The following PDE12 variants were observed in gnomAD, a reference collection of about 807,000 sequenced individuals.
PDE12 encodes the protein 2',5'-phosphodiesterase 12.
A neutral mutation model predicts 45.4 loss-of-function variants in PDE12; 26 were observed. That is an observed-to-expected ratio of 0.57 (90% CI 0.42 to 0.79). The LOEUF (loss-of-function observed/expected upper bound fraction) is 0.79, where lower values mean the gene tolerates loss of function less well. Ranked by LOEUF, PDE12 falls within the 30% of genes least tolerant of loss-of-function variation. The probability of loss-of-function intolerance (pLI) is 0.00; values close to 1 mark genes in which losing one functional copy is unlikely to be tolerated. For missense variants in PDE12, 668 were observed against 790.0 expected (o/e 0.85, Z 1.85); for synonymous variants, 283 against 323.9 (o/e 0.87, Z 1.36).
the PDE12 span, among the ~76,000 whole-genome samples, chr3:57,632,276 A>G: frequency 0.75 from 113,231 of 150,832 alleles, 44,449 homozygotes; most frequent in East Asian, 1. Context: ...TGCCCGCCTC[A>G]GTCTCCAAAA....
chr3:57,645,866 T>A, the PDE12 span: 2 of 699,816 alleles, frequency 2.9e-6, no homozygotes, highest in East Asian at 5.7e-5. Flanking sequence ...ATACTTTGTT[T>A]ATTTTAATAA....
At chr3:57,558,376 A>G (rs1439739830) in intron 1 of PDE12, among the ~76,000 whole-genome samples, 6 of 152,236 alleles carry the variant, frequency 3.9e-5, no homozygotes, top group Admixed American at 2.0e-4. Context: ...TGAGTATTCA[A>G]ACCCAGGTCT....
chr3:57,630,229 T>A, the PDE12 span: 4 of 486,162 alleles, frequency 8.2e-6, no homozygotes, highest in South Asian at 1.3e-4. Flanking sequence ...CAAAGAATCA[T>A]TGTAAAGATT....
chr3:57,621,095 T>C, the PDE12 span, among the ~76,000 whole-genome samples: 1 of 152,150 alleles, frequency 6.6e-6, no homozygotes, highest in African/African-American at 2.4e-5. Context: ...TCAAGCAATG[T>C]GGTACTGGCA....
chr3:57,591,186 T>C, the PDE12 span, among the ~76,000 whole-genome samples: 1 of 152,194 alleles, frequency 6.6e-6, no homozygotes, highest in African/African-American at 2.4e-5. Flanking sequence ...TCAAGACGGT[T>C]ACCATGACAC....
chr3:57,567,050 C>G (rs1178759895), downstream of PDE12, among the ~76,000 whole-genome samples: 2 of 152,196 alleles, frequency 1.3e-5, no homozygotes, highest in Non-Finnish European at 2.9e-5. Flanking sequence ...TGGCTCATGC[C>G]TGTAATCCTA....
the PDE12 span, among the ~76,000 whole-genome samples, chr3:57,580,082 G>A: frequency 6.6e-6 from 1 of 152,132 alleles, no homozygotes; most frequent in Non-Finnish European, 1.5e-5. Context: ...TCTAGCCTGG[G>A]TAACAGAGTG....
At chr3:57,602,733 G>A in the PDE12 span, among the ~76,000 whole-genome samples, 1 of 152,142 alleles carries the variant, frequency 6.6e-6, no homozygotes, top group South Asian at 2.1e-4. Context: ...ACTACGCCTG[G>A]CTAGTTTTTG....
the PDE12 span, among the ~76,000 whole-genome samples, chr3:57,621,100 C>G: frequency 6.6e-6 from 1 of 152,098 alleles, no homozygotes; most frequent in Non-Finnish European, 1.5e-5. Flanking sequence ...CAATGTGGTA[C>G]TGGCATAAAG....
chr3:57,629,507 CTTTTTTTTTTTTT>C, the PDE12 span, among the ~76,000 whole-genome samples: 3 of 98,228 alleles, frequency 3.1e-5, no homozygotes, highest in Non-Finnish European at 4.0e-5. Flanking sequence ...AATCAGTCCG[CTTTTTTTTTTTTT>C]TTTTTTTTTG....
the PDE12 span, among the ~76,000 whole-genome samples, chr3:57,651,088 C>T: frequency 6.6e-6 from 1 of 152,112 alleles, no homozygotes; most frequent in African/African-American, 2.4e-5. Context: ...CTGGCCCATC[C>T]ACATGGAATA....
rs1367166078 is a variant in PDE12 at position 57,565,134 on chromosome 3, A to T, written c.*5130A>T. ...CCTGAGTAGCTGGGACTATAGGTGC[A>T]TGCCACCATGCCTGGCTAATTTTTT... On this transcript the variant is annotated 3_prime_UTR_variant, in exon 3 of 3. Transcript: ENST00000311180. 6.6e-6 allele frequency: 1 copy of T among 152,094 alleles called. No individual in the cohort carries two copies. The highest frequency in any genetic ancestry group is 1.5e-5 in the Non-Finnish European group (1 of 68,088). 9.4% of individuals were successfully genotyped at this position (152,094 alleles called of 1,614,324 possible).
the PDE12 span, among the ~76,000 whole-genome samples, chr3:57,599,329 G>A: frequency 8.5e-5 from 13 of 152,218 alleles, no homozygotes; most frequent in Non-Finnish European, 1.6e-4. Context: ...ATGGGAGGCA[G>A]GTTGGCCCTA....
chr3:57,579,959 G>T, the PDE12 span, among the ~76,000 whole-genome samples: 1 of 151,942 alleles, frequency 6.6e-6, no homozygotes, highest in East Asian at 1.9e-4. Context: ...ATTTTAGTAG[G>T]GCATGGTGGC....
the PDE12 span, among the ~76,000 whole-genome samples, chr3:57,621,321 A>G: frequency 2.0e-5 from 3 of 152,240 alleles, no homozygotes; most frequent in Admixed American, 1.3e-4. Context: ...TCACATACAC[A>G]TTAAAACTAA....
In PDE12 at chr3:57,557,379, C is replaced by G; in HGVS notation, c.1000C>G (p.Leu334Val). ...CCTGGAGCTCGACTACCGCCAGAAC[C>G]TTATCCAGAAGGAACTCACCGGCTA... ...YALELDYRQN[L>V]IQKELTGYNA... The change falls in exon 1 of 3, where the codon CTT becomes GTT. Residue 334 changes from leucine (L) to valine (V), a missense_variant. Physicochemically the swap from Leu to Val is conservative, Grantham distance 32 (BLOSUM62 1). This residue lies in a region of PDE12 where 580 missense variants were observed against 662.9 expected (regional missense o/e 0.87). Transcript: ENST00000311180. 6.2e-7 allele frequency: 1 copy of G among 1,614,060 alleles called. No individual in the cohort carries two copies.
chr3:57,556,681 A>C lies in PDE12; in HGVS notation c.302A>C (p.Asn101Thr), dbSNP rs1343994767. The change falls in exon 1 of 3, where the codon AAT becomes ACT. Residue 101 changes from asparagine to threonine, a missense_variant. Physicochemically the swap from Asn to Thr is moderately conservative, Grantham distance 65. Around this residue, in one of 3 missense-constraint regions of PDE12, gnomAD observed 580 missense variants for 662.9 expected, o/e 0.87. Coordinates refer to ENST00000311180, the MANE Select transcript of PDE12 (RefSeq NM_177966.7). The surrounding 1 kb of genome is among the most constrained non-coding windows in gnomAD (Gnocchi z 5.0). ...AAGAAGAGCAGGAAGAGCCGGCCGA[A>C]TGCTAGCGGCGGTGCGGCCTGTTCA... is the stretch of plus-strand genomic sequence containing the variant. ...AAKKSRKSRP[N>T]ASGGAACSGP... The C allele has an allele frequency of 3.1e-6, 5 of 1,597,926 alleles. No individual in the cohort carries two copies. The highest frequency in any genetic ancestry group is 4.3e-6 in the Non-Finnish European group (5 of 1,169,006).
chr3:57,590,493 GAA>G, the PDE12 span, among the ~76,000 whole-genome samples: 2 of 151,846 alleles, frequency 1.3e-5, no homozygotes, highest in Non-Finnish European at 2.9e-5. Context: ...CTCAAAAAAA[GAA>G]AAAAGTTAGA....
At chr3:57,593,565 A>C in the PDE12 span, among the ~76,000 whole-genome samples, 33 of 152,326 alleles carry the variant, frequency 2.2e-4, no homozygotes, top group African/African-American at 7.2e-4. Flanking sequence ...AAACTTTTTA[A>C]AAGTAACACT....
Sources: gnomAD v4.1 joint callset for allele counts (sites outside exome capture counted in the v4.1 genomes callset) on GRCh38, gnomAD v4.1.1 for gene constraint, gnomAD v4.1.1 regional missense constraint, Gnocchi (gnomAD v3.1) non-coding constraint, MANE v1.5 for transcripts, NCBI Gene and HGNC (gene_info 2026-07-23, HGNC 2026-07-21) for gene names.